TSPAN3: variants seen among roughly 807,000 people sequenced by gnomAD.
TSPAN3 encodes tetraspanin-3.
Under a neutral mutation model 31.1 loss-of-function variants are expected in TSPAN3, and 9 were observed. The ratio of observed to expected loss-of-function variants is 0.29; its 90% CI spans 0.17 to 0.50. The LOEUF (loss-of-function observed/expected upper bound fraction) is 0.50, where lower values mean the gene tolerates loss of function less well. TSPAN3 is among the 20% of genes least tolerant of loss of function. TSPAN3 has a pLI of 0.98. For synonymous variants in TSPAN3, 129 were observed against 114.3 expected, an observed-to-expected ratio of 1.13 and a Z score of -0.82; for missense variants, 252 against 313.5, an observed-to-expected ratio of 0.80 and a Z score of 1.48.
chr15:77,070,720 G>A (rs1389916182), intron 1 of TSPAN3, among the ~76,000 whole-genome samples, 172 bp downstream of exon 1: 1 of 151,336 alleles, frequency 6.6e-6, no homozygotes, highest in African/African-American at 2.4e-5. Flanking sequence ...TGGTCCGGCA[G>A]GGACCTCGCG....
intron 2 of TSPAN3, 72 bp downstream of exon 2, chr15:77,055,992 G>C: frequency 6.6e-7 from 1 of 1,523,644 alleles, no homozygotes; most frequent in Non-Finnish European, 8.8e-7. Flanking sequence ...AACTATAAGA[G>C]CCAAGGAGTC....
At chr15:77,058,385 C>G (rs1212371732) in intron 1 of TSPAN3, among the ~76,000 whole-genome samples, 1 of 152,178 alleles carries the variant, frequency 6.6e-6, no homozygotes, top group African/African-American at 2.4e-5. Flanking sequence ...TTCTTTGCCT[C>G]CGCTGTTCTC....
intron 1 of TSPAN3, among the ~76,000 whole-genome samples, chr15:77,058,077 C>T (rs1479184285): frequency 6.6e-6 from 1 of 152,064 alleles, no homozygotes; most frequent in East Asian, 1.9e-4. Flanking sequence ...ATTCGAATAC[C>T]TCAACTCCTC....
At chr15:77,066,330 G>A (rs2076832640) in intron 1 of TSPAN3, among the ~76,000 whole-genome samples, 1 of 152,126 alleles carries the variant, frequency 6.6e-6, no homozygotes, top group Non-Finnish European at 1.5e-5. Context: ...CTAGCACTTT[G>A]GGAGACCAAG....
chr15:77,051,609 G>A (rs1448577268), intron 6 of TSPAN3, among the ~76,000 whole-genome samples: 4 of 151,798 alleles, frequency 2.6e-5, no homozygotes, highest in Non-Finnish European at 5.9e-5. Context: ...CAACACTTTA[G>A]GAGGCCAAGA....
At chr15:77,066,398 T>C (rs1026197611) in intron 1 of TSPAN3, among the ~76,000 whole-genome samples, 1 of 151,806 alleles carries the variant, frequency 6.6e-6, no homozygotes, top group African/African-American at 2.4e-5. Flanking sequence ...GGTGAAACCC[T>C]GTCTCTGTTA....
At chr15:77,066,018 T>A (rs539647201) in intron 1 of TSPAN3, among the ~76,000 whole-genome samples, 17 of 152,208 alleles carry the variant, frequency 1.1e-4, no homozygotes, top group African/African-American at 4.1e-4. Flanking sequence ...ATGCCTAAGA[T>A]AAATATGAGC....
intron 1 of TSPAN3, 29 bp downstream of exon 1, chr15:77,070,863 G>A: frequency 7.8e-7 from 1 of 1,289,028 alleles, no homozygotes; most frequent in Non-Finnish European, 9.9e-7. Flanking sequence ...CCCCGCCGCC[G>A]GCCCCTCGCT....
intron 1 of TSPAN3, among the ~76,000 whole-genome samples, chr15:77,066,745 C>T (rs1047553216): frequency 6.6e-6 from 1 of 152,146 alleles, no homozygotes; most frequent in African/African-American, 2.4e-5. Context: ...TACATCCTTT[C>T]ACTTGTCCAA....
rs377488447 is a variant in TSPAN3 at position 77,068,534 on chromosome 15, CTAA to C, written c.63+2355_63+2357del. ...TGAGCTTGAATAACCTAGAATTCACCTAATATTCTTCAAAATCAAATAGTTATG... is the reference window on the plus strand; with the variant it reads ...TGAGCTTGAATAACCTAGAATTCACCTATTCTTCAAAATCAAATAGTTATG... On this transcript the variant is annotated intron_variant, in intron 1 of 6. Coordinates refer to ENST00000267970, the MANE Select transcript of TSPAN3 (RefSeq NM_005724.6). Among the ~76,000 whole-genome samples, 95 of 152,068 alleles carry C rather than the reference CTAA, an allele frequency of 6.2e-4. 2 individuals carry two copies. In the East Asian group the frequency reaches 0.018, roughly 29 times the overall value.
chr15:77,050,473 C>T (rs749282893), intron 6 of TSPAN3, among the ~76,000 whole-genome samples: 28 of 152,188 alleles, frequency 1.8e-4, no homozygotes, highest in Non-Finnish European at 3.5e-4. Context: ...TTATTAGCCC[C>T]TATTGAAAAA....
At chr15:77,057,759 T>C (rs1266609603) in intron 1 of TSPAN3, among the ~76,000 whole-genome samples, 3 of 152,162 alleles carry the variant, frequency 2.0e-5, no homozygotes, top group African/African-American at 7.2e-5. Flanking sequence ...CCTTATTCTT[T>C]AGTCATTCTC....
chr15:77,047,410 G>C lies in TSPAN3; in HGVS notation c.670-483C>G, dbSNP rs112104865. Among the ~76,000 whole-genome samples, 302 of 152,312 alleles carry C rather than the reference G, an allele frequency of 2.0e-3. 3 individuals carry two copies. The highest frequency in any genetic ancestry group is 6.5e-3 in the African/African-American group (270 of 41,584). On this transcript the variant is annotated intron_variant, in intron 6 of 6. Coordinates refer to ENST00000267970, the MANE Select transcript of TSPAN3 (RefSeq NM_005724.6). ...TGGGGAGTAGAATGAGCAAGAATGT[G>C]TGTGTTTAATAGTGGTCTTTTCAGG...
rs371881455 is a variant in TSPAN3, at chr15:77,053,688, G to A, written c.432+490C>T. Among the ~76,000 whole-genome samples, 43 of 152,120 alleles carry A rather than the reference G, an allele frequency of 2.8e-4. 1 individual carries two copies. The highest frequency in any genetic ancestry group is 8.7e-4 in the African/African-American group (36 of 41,494). ...AGTAAGTAGGGGCAATAAGACTGAC[G>A]AAAAGTTGATATTACTGAGGCAAGG... On this transcript the variant is annotated intron_variant, in intron 4 of 6. Transcript: ENST00000267970.
At chr15:77,049,039 TGATTA>T (rs1481169008) in intron 6 of TSPAN3, among the ~76,000 whole-genome samples, 7 of 152,206 alleles carry the variant, frequency 4.6e-5, no homozygotes, top group Non-Finnish European at 8.8e-5. Context: ...CCATCAATAT[TGATTA>T]AAGTATGCCT....
intron 1 of TSPAN3, among the ~76,000 whole-genome samples, chr15:77,058,844 A>G (rs997193205): frequency 5.9e-5 from 9 of 152,162 alleles, no homozygotes; most frequent in African/African-American, 2.2e-4. Context: ...TCACTATTCA[A>G]TTATTTGGCA....
intron 1 of TSPAN3, among the ~76,000 whole-genome samples, chr15:77,060,929 C>T (rs911514832): frequency 1.3e-5 from 2 of 152,054 alleles, no homozygotes; most frequent in African/African-American, 4.8e-5. Flanking sequence ...AACCATTATT[C>T]TTTATCTTTT....
chr15:77,070,607 G>A (rs1332335482), intron 1 of TSPAN3, among the ~76,000 whole-genome samples: 19 of 151,988 alleles, frequency 1.3e-4, no homozygotes, highest in South Asian at 8.3e-4. Flanking sequence ...GGGGCGCCTG[G>A]CACGGAGCCA....
chr15:77,060,515 A>G (rs1163376391), intron 1 of TSPAN3, among the ~76,000 whole-genome samples: 1 of 152,234 alleles, frequency 6.6e-6, no homozygotes, highest in Non-Finnish European at 1.5e-5. Flanking sequence ...AATGGAAGAG[A>G]GGTTCTAAGA....
Sources: allele counts gnomAD v4.1 joint callset (sites outside exome capture counted in the v4.1 genomes callset), GRCh38; gene constraint gnomAD v4.1.1; transcripts MANE v1.5; gene names NCBI Gene and HGNC (gene_info 2026-07-23, HGNC 2026-07-21).